The following DAB1 variants were observed in gnomAD, a reference collection of about 807,000 sequenced individuals.
DAB1 encodes the protein DAB adaptor protein 1.
In DAB1, 15 loss-of-function variants were observed where a neutral mutation model predicts 64.6. The observed-to-expected ratio is 0.23, with a 90% CI of 0.16 to 0.36. The LOEUF is 0.36. Among genes scored for constraint, DAB1 ranks in the 10% least tolerant of loss-of-function variants. DAB1 has a pLI of 1.00. For missense variants in DAB1, 596 were observed against 706.7 expected (o/e 0.84, Z 1.78); for synonymous variants, 235 against 251.9 (o/e 0.93, Z 0.64).
chr1:57,964,305 A>G (rs560006943), intron 5 of DAB1, among the ~76,000 whole-genome samples: 1 of 152,316 alleles, frequency 6.6e-6, no homozygotes, highest in East Asian at 1.9e-4. Flanking sequence ...ATTGCTGTAT[A>G]TTCTTTCTGG....
intron 4 of DAB1, among the ~76,000 whole-genome samples, chr1:58,299,195 G>A (rs978102087): frequency 2.6e-5 from 4 of 152,122 alleles, no homozygotes; most frequent in Non-Finnish European, 5.9e-5. Flanking sequence ...TTTTACAGAC[G>A]CTCAAACTAA....
At chr1:57,120,528 G>A (rs1656544091) in intron 4 of DAB1, among the ~76,000 whole-genome samples, 1 of 152,092 alleles carries the variant, frequency 6.6e-6, no homozygotes, top group Non-Finnish European at 1.5e-5. Context: ...CATTCACATT[G>A]TTGTGCAACC....
At chr1:58,368,318 T>C (rs1644233853) in intron 3 of DAB1, among the ~76,000 whole-genome samples, 1 of 152,228 alleles carries the variant, frequency 6.6e-6, no homozygotes, top group Middle Eastern at 3.4e-3. Context: ...GAATTAGAAA[T>C]TGCAGCGACC....
intron 4 of DAB1, among the ~76,000 whole-genome samples, chr1:57,125,233 C>T (rs1291176120): frequency 6.6e-6 from 1 of 152,176 alleles, no homozygotes; most frequent in Non-Finnish European, 1.5e-5. Flanking sequence ...GCGCAGACCC[C>T]ATAGGTCCCT....
intron 14 of DAB1, among the ~76,000 whole-genome samples, chr1:56,999,107 T>C (rs1645746842): frequency 6.8e-6 from 1 of 146,670 alleles, no homozygotes; most frequent in Non-Finnish European, 1.5e-5. Context: ...TGCCTTGTCA[T>C]ATAGGTTCTT....
intron 6 of DAB1, among the ~76,000 whole-genome samples, chr1:57,761,932 A>C (rs1316462419): frequency 1.3e-5 from 2 of 152,164 alleles, no homozygotes; most frequent in East Asian, 3.9e-4. Context: ...CTCAGCAAAA[A>C]ATGCCGAAGG....
At chr1:57,026,618 A>T (rs1438874933) in intron 9 of DAB1, among the ~76,000 whole-genome samples, 1 of 152,226 alleles carries the variant, frequency 6.6e-6, no homozygotes, top group Non-Finnish European at 1.5e-5. Flanking sequence ...GAATGCAGTC[A>T]AACAGCACTC....
chr1:57,008,749 G>A (rs1028935006), intron 14 of DAB1, among the ~76,000 whole-genome samples: 3 of 152,110 alleles, frequency 2.0e-5, no homozygotes, highest in African/African-American at 7.2e-5. Context: ...CTCTGCGCTA[G>A]ATACTCAACA....
At chr1:57,355,870 AT>A (rs1679052777) in intron 1 of DAB1, among the ~76,000 whole-genome samples, 1 of 115,830 alleles carries the variant, frequency 8.6e-6, no homozygotes, top group Non-Finnish European at 1.8e-5. Flanking sequence ...TTAAACCTCA[AT>A]AAACACACAC....
chr1:58,112,390 G>T lies in DAB1; in HGVS notation n.387+38121C>A, dbSNP rs377187584. Among the ~76,000 whole-genome samples, 3 of 152,160 alleles carry T rather than the reference G, an allele frequency of 2.0e-5. No individual in the cohort carries two copies. The East Asian group carries it at 5.8e-4, about 29-fold the overall frequency. On this transcript the variant is annotated intron_variant and non_coding_transcript_variant, in intron 5 of 20. Coordinates refer to the DAB1 transcript ENST00000485760. The stretch of plus-strand genomic sequence containing the variant: ...ATAGGCATTCAATAAATACATTTTT[G>T]AATTAATAACTGCATGAATAGATGT...
Position 57,273,522 on chromosome 1 carries a change from A to ACTGC in DAB1, c.67+17438_67+17441dup, listed in dbSNP as rs1261991604. 2.5e-3 allele frequency among the ~76,000 whole-genome samples: 243 copies of ACTGC among 96,960 alleles called. 6 individuals are homozygous for ACTGC. Among genetic ancestry groups the ACTGC allele is most frequent in the Non-Finnish European group, 3.2e-3 (160 of 50,286 alleles). 63.6% of individuals were successfully genotyped at this position (96,960 alleles called of 152,430 possible). A position where few individuals can be genotyped will look rare whatever the true frequency, so the allele number is the denominator to read the frequency against. On this transcript the variant is annotated intron_variant, in intron 2 of 14. Coordinates refer to ENST00000371236, the MANE Select transcript of DAB1 (RefSeq NM_001365792.1). ...ATCTAAGATGCATCCACCAAGCCTG[A>ACTGC]CTGCCTGCCTGCCTGCCTGCCTGCC...
chr1:58,231,963 G>C lies in DAB1; in HGVS notation n.310-81375C>G, dbSNP rs376004214. On this transcript the variant is annotated intron_variant and non_coding_transcript_variant, in intron 4 of 20. Transcript: ENST00000485760. ...TTGCTACAGGTAAAAATAATAGCAA[G>C]AGGCAGAGTTTAGATTCAAATCCAT... 1.4e-4 allele frequency among the ~76,000 whole-genome samples: 21 copies of C among 152,260 alleles called. No homozygotes were observed. The East Asian group carries it at 3.3e-3, about 24-fold the overall frequency.
chr1:57,833,589 G>A (rs941785165), intron 1 of DAB1, among the ~76,000 whole-genome samples: 1 of 152,160 alleles, frequency 6.6e-6, no homozygotes, highest in African/African-American at 2.4e-5. Flanking sequence ...GCAAGATGTA[G>A]AGTTGAATAA....
chr1:57,357,891 G>A (rs11207017), intron 1 of DAB1, among the ~76,000 whole-genome samples: 2 of 151,648 alleles, frequency 1.3e-5, no homozygotes, highest in Non-Finnish European at 2.9e-5. Context: ...ATCCCTCCCC[G>A]AACACATGGG....
At chr1:57,648,907 C>G (rs1646224879) in intron 7 of DAB1, among the ~76,000 whole-genome samples, 1 of 152,136 alleles carries the variant, frequency 6.6e-6, no homozygotes, top group Non-Finnish European at 1.5e-5. Context: ...CATCCATCCA[C>G]CAGTCTGTGA....
chr1:58,104,223 C>G (rs1346192806), intron 5 of DAB1, among the ~76,000 whole-genome samples: 1 of 152,226 alleles, frequency 6.6e-6, no homozygotes, highest in African/African-American at 2.4e-5. Context: ...ATCCCAACCT[C>G]TAGCACACAG....
intron 4 of DAB1, among the ~76,000 whole-genome samples, chr1:58,163,301 C>A (rs1655644034): frequency 6.6e-6 from 1 of 152,132 alleles, no homozygotes; most frequent in Non-Finnish European, 1.5e-5. Flanking sequence ...GTTCTCAGAG[C>A]AAGCAATGAC....
At chr1:57,198,808 A>C (rs1273792359) in intron 2 of DAB1, among the ~76,000 whole-genome samples, 1 of 152,194 alleles carries the variant, frequency 6.6e-6, no homozygotes, top group Non-Finnish European at 1.5e-5. Flanking sequence ...AAGGAAAGAC[A>C]AGACAGGAAG....
At chr1:58,165,607 G>C (rs1225741319) in intron 4 of DAB1, among the ~76,000 whole-genome samples, 3 of 152,180 alleles carry the variant, frequency 2.0e-5, no homozygotes, top group Non-Finnish European at 2.9e-5. Flanking sequence ...ACCTCCAAGT[G>C]ACACTCTCAT....
Sources: gnomAD v4.1 joint callset for allele counts (sites outside exome capture counted in the v4.1 genomes callset) on GRCh38, gnomAD v4.1.1 for gene constraint, MANE v1.5 for transcripts, NCBI Gene and HGNC (gene_info 2026-07-23, HGNC 2026-07-21) for gene names.